Variants in ERG observed in about 807,000 individuals in gnomAD.
The protein encoded by ERG is transcriptional regulator ERG.
In ERG, 9 loss-of-function variants were observed where a neutral mutation model predicts 55.3. That is an observed-to-expected ratio of 0.16 (90% CI 0.10 to 0.28). ERG has a LOEUF of 0.28. ERG is among the 10% of genes least tolerant of loss of function. ERG has a pLI of 1.00. For missense variants in ERG, 434 were observed against 631.6 expected, an observed-to-expected ratio of 0.69 and a Z score of 3.35; for synonymous variants, 223 against 237.3, an observed-to-expected ratio of 0.94 and a Z score of 0.55.
chr21:38,616,157 C>T (rs745858848), intron 1 of ERG, among the ~76,000 whole-genome samples: 1 of 152,138 alleles, frequency 6.6e-6, no homozygotes, highest in Non-Finnish European at 1.5e-5. Context: ...TCTCTCCTGC[C>T]GCCTTGTGAA....
chr21:38,466,260 G>T (rs1262533068), intron 1 of ERG, among the ~76,000 whole-genome samples: 1 of 149,484 alleles, frequency 6.7e-6, no homozygotes, highest in Non-Finnish European at 1.5e-5. Flanking sequence ...TACAATAATG[G>T]TCCATACATT....
At chr21:38,473,474 GA>G (rs2059159092) in intron 1 of ERG, among the ~76,000 whole-genome samples, 1 of 151,156 alleles carries the variant, frequency 6.6e-6, no homozygotes, top group East Asian at 1.9e-4. Context: ...TTTTAAATAA[GA>G]AAAAAATAAT....
intron 8 of ERG, among the ~76,000 whole-genome samples, 160 bp downstream of exon 8, chr21:38,391,499 G>C (rs767992146): frequency 3.9e-5 from 6 of 152,138 alleles, no homozygotes; most frequent in Non-Finnish European, 5.9e-5. Context: ...AAGTCACCTC[G>C]CATGAGTAGG....
intron 1 of ERG, among the ~76,000 whole-genome samples, chr21:38,474,936 G>T (rs750370232): frequency 2.0e-5 from 3 of 152,112 alleles, no homozygotes; most frequent in Non-Finnish European, 4.4e-5. Flanking sequence ...CAGCGTGGCG[G>T]CTCTAAAAGA....
chr21:38,560,619 C>T (rs1475045711), intron 2 of ERG, among the ~76,000 whole-genome samples: 3 of 152,170 alleles, frequency 2.0e-5, no homozygotes, highest in Non-Finnish European at 2.9e-5. Flanking sequence ...TTCCTAATTC[C>T]GTCTCAACAT....
At chr21:38,458,319 TAGGCCG>T (rs2059008905) in intron 1 of ERG, among the ~76,000 whole-genome samples, 2 of 150,816 alleles carry the variant, frequency 1.3e-5, no homozygotes, top group Admixed American at 6.7e-5. Context: ...AGCTACTCGG[TAGGCCG>T]AGGCTGGAGA....
downstream of ERG, among the ~76,000 whole-genome samples, chr21:38,377,565 C>T (rs940901087): frequency 1.3e-5 from 2 of 152,208 alleles, no homozygotes; most frequent in Non-Finnish European, 2.9e-5. Context: ...AATAAGAGAA[C>T]TTACTTAAAA....
chr21:38,394,170 C>G, intron 6 of ERG, among the ~76,000 whole-genome samples: 1 of 152,088 alleles, frequency 6.6e-6, no homozygotes, highest in East Asian at 1.9e-4. Flanking sequence ...AGCACATTAA[C>G]TAAGGCCTTC....
chr21:38,589,775 A>G (rs1320743338), upstream of ERG, among the ~76,000 whole-genome samples: 1 of 152,174 alleles, frequency 6.6e-6, no homozygotes, highest in Non-Finnish European at 1.5e-5. Context: ...TACCTATGGT[A>G]GGGAAGAGTA....
intron 2 of ERG, among the ~76,000 whole-genome samples, chr21:38,523,644 C>G (rs2059610784): frequency 6.6e-6 from 1 of 152,106 alleles, no homozygotes; most frequent in Non-Finnish European, 1.5e-5. Context: ...TCCGTAAAAC[C>G]CCAGTTACCC....
chr21:38,536,312 G>A (rs556133927), intron 2 of ERG, among the ~76,000 whole-genome samples: 2 of 151,964 alleles, frequency 1.3e-5, no homozygotes, highest in Admixed American at 6.6e-5. Context: ...GTAACACAAA[G>A]AACAAGCCAT....
chr21:38,631,974 A>G (rs2060359581), intron 1 of ERG, among the ~76,000 whole-genome samples: 1 of 152,028 alleles, frequency 6.6e-6, no homozygotes, highest in African/African-American at 2.4e-5. Context: ...CAAGGTCTAA[A>G]GCACTTGAAA....
At chr21:38,422,788 T>C (rs1015623117) in intron 3 of ERG, among the ~76,000 whole-genome samples, 9 of 152,338 alleles carry the variant, frequency 5.9e-5, no homozygotes, top group African/African-American at 2.2e-4. Flanking sequence ...AGGCCAGTGA[T>C]AGCTGGAATT....
chr21:38,543,121 C>G (rs1007546177), intron 2 of ERG, among the ~76,000 whole-genome samples: 3 of 152,252 alleles, frequency 2.0e-5, no homozygotes, highest in Middle Eastern at 3.4e-3. Flanking sequence ...GGATTCTGCT[C>G]TAGTCCAGAA....
At chr21:38,419,694 A>G (rs978010077) in intron 3 of ERG, among the ~76,000 whole-genome samples, 7 of 152,230 alleles carry the variant, frequency 4.6e-5, no homozygotes, top group Admixed American at 1.3e-4. Context: ...CAGTGTAAAT[A>G]TATCAAGTGA....
At chr21:38,500,254 G>C (rs1259551874), upstream of ERG, among the ~76,000 whole-genome samples, 1 of 152,192 alleles carries the variant, frequency 6.6e-6, no homozygotes, top group Non-Finnish European at 1.5e-5. Flanking sequence ...TAAGATGAAC[G>C]CTTTGCTAAT....
At chr21:38,521,615 G>A (rs1010075869) in intron 2 of ERG, among the ~76,000 whole-genome samples, 2 of 152,116 alleles carry the variant, frequency 1.3e-5, no homozygotes, top group Non-Finnish European at 2.9e-5. Flanking sequence ...AGAGGAACCT[G>A]GTACAAGTGA....
intron 2 of ERG, among the ~76,000 whole-genome samples, chr21:38,429,264 A>G (rs183316967): frequency 2.7e-3 from 406 of 151,956 alleles, no homozygotes; most frequent in African/African-American, 9.3e-3. Context: ...GTGTATATAC[A>G]CACACGCATA....
rs561692877 is a variant in ERG at position 38,491,131 on chromosome 21, T to C, written c.18+7232A>G. On this transcript the variant is annotated intron_variant, in intron 1 of 9. Coordinates refer to ENST00000288319, the MANE Select transcript of ERG (RefSeq NM_182918.4). ...CAAATTGAGACACAAACTAATTGTG[T>C]TGACAGATTCTAAAGTGTTGTTTCA... Among the ~76,000 whole-genome samples the C allele has an allele frequency of 2.6e-5, 4 of 151,752 alleles. No individual in the cohort carries two copies. In the East Asian group the frequency reaches 7.7e-4, roughly 29 times the overall value.
Sources: allele counts gnomAD v4.1 joint callset (sites outside exome capture counted in the v4.1 genomes callset), GRCh38; gene constraint gnomAD v4.1.1; transcripts MANE v1.5; gene names NCBI Gene and HGNC (gene_info 2026-07-23, HGNC 2026-07-21).